CSMD1: variants seen among roughly 807,000 people sequenced by gnomAD.
CSMD1 encodes the protein CUB and sushi domain-containing protein 1.
CSMD1 carries 213 observed loss-of-function variants against 417.5 expected under a neutral mutation model. That is an observed-to-expected ratio of 0.51 (90% CI 0.46 to 0.57). The LOEUF (loss-of-function observed/expected upper bound fraction) is 0.57, where lower values mean the gene tolerates loss of function less well. Ranked by LOEUF, CSMD1 falls within the 20% of genes least tolerant of loss-of-function variation. The pLI is 0.00. For missense variants in CSMD1, 6,923 were observed against 4,529.7 expected, an observed-to-expected ratio of 1.53 and a Z score of -15.17; for synonymous variants, 2,862 against 1,736.8, an observed-to-expected ratio of 1.65 and a Z score of -16.11.
intron 2 of CSMD1, among the ~76,000 whole-genome samples, chr8:4,552,694 C>A (rs1742151806): frequency 6.6e-6 from 1 of 152,216 alleles, no homozygotes; most frequent in South Asian, 2.1e-4. Context: ...GGGTCTATTA[C>A]CCCATCACAA....
intron 1 of CSMD1, among the ~76,000 whole-genome samples, chr8:4,849,186 A>C (rs1445216486): frequency 2.6e-5 from 4 of 152,156 alleles, no homozygotes; most frequent in East Asian, 1.9e-4. Flanking sequence ...GTAAAATAAA[A>C]CAAAATTTCA....
At chr8:4,596,765 T>C (rs995682917) in intron 2 of CSMD1, among the ~76,000 whole-genome samples, 3 of 152,214 alleles carry the variant, frequency 2.0e-5, no homozygotes, top group Non-Finnish European at 2.9e-5. Flanking sequence ...ATGGATTGGC[T>C]GTATCCCCAC....
intron 3 of CSMD1, among the ~76,000 whole-genome samples, chr8:4,216,809 C>G (rs373391940): frequency 6.6e-6 from 1 of 152,144 alleles, no homozygotes; most frequent in Non-Finnish European, 1.5e-5. Flanking sequence ...ACACAGAATT[C>G]CAACACAAGA....
chr8:3,359,197 C>A lies in CSMD1; in HGVS notation c.3259G>T (p.Gly1087Cys). 6.2e-7 allele frequency: 1 copy of A among 1,613,938 alleles called. No homozygotes were observed. Among genetic ancestry groups the A allele is most frequent in the Non-Finnish European group, 8.5e-7 (1 of 1,179,926 alleles). ...GCACTCCACACACGGCGGCCCCCAC[C>A]CAGGCAGGTAAGCTTGGTGGCACCT... ...LEGATKLTCLGGGRRVWSAPL... is the reference protein window; with the variant it reads ...LEGATKLTCLCGGRRVWSAPL... Residue 1087 changes from glycine (G) to cysteine (C), a missense_variant, in exon 21 of 70, where the codon GGT becomes TGT. Coordinates refer to ENST00000635120, the MANE Select transcript of CSMD1 (RefSeq NM_033225.6).
intron 25 of CSMD1, among the ~76,000 whole-genome samples, chr8:3,285,142 T>C (rs1803050467): frequency 6.6e-6 from 1 of 152,148 alleles, no homozygotes; most frequent in Non-Finnish European, 1.5e-5. Context: ...ATTTCCTGCG[T>C]ATTGCACACC....
At chr8:3,522,682 G>C (rs1021394374) in intron 10 of CSMD1, among the ~76,000 whole-genome samples, 2 of 152,160 alleles carry the variant, frequency 1.3e-5, no homozygotes, top group East Asian at 3.9e-4. Context: ...GTGAGGAGTA[G>C]ATCAGTCGTC....
chr8:4,965,303 G>T (rs1397001578), intron 1 of CSMD1, among the ~76,000 whole-genome samples: 1 of 152,204 alleles, frequency 6.6e-6, no homozygotes, highest in Non-Finnish European at 1.5e-5. Flanking sequence ...ATCAGGCATA[G>T]TTGCAAATGC....
At chr8:3,999,098 C>T (rs1418114326) in intron 4 of CSMD1, among the ~76,000 whole-genome samples, 3 of 150,850 alleles carry the variant, frequency 2.0e-5, no homozygotes, top group South Asian at 4.2e-4. Context: ...TTTAAAATAA[C>T]ATGTTTTAAA....
At chr8:4,571,963 C>T (rs1223228671) in intron 2 of CSMD1, among the ~76,000 whole-genome samples, 2 of 152,132 alleles carry the variant, frequency 1.3e-5, no homozygotes, top group East Asian at 3.9e-4. Flanking sequence ...TTTTTGCTTT[C>T]CATTTACTTG....
chr8:4,344,560 AT>A (rs1382773319), intron 3 of CSMD1, among the ~76,000 whole-genome samples: 3 of 150,792 alleles, frequency 2.0e-5, no homozygotes, highest in Admixed American at 6.6e-5. Context: ...GAATATAAAT[AT>A]ATACATATAT....
intron 3 of CSMD1, among the ~76,000 whole-genome samples, chr8:4,404,234 T>C (rs1282405346): frequency 6.6e-6 from 1 of 152,196 alleles, no homozygotes; most frequent in Non-Finnish European, 1.5e-5. Flanking sequence ...TTTTATATTA[T>C]CTGTCACCTT....
intron 1 of CSMD1, among the ~76,000 whole-genome samples, chr8:4,832,398 C>T (rs993847934): frequency 2.0e-5 from 3 of 152,256 alleles, no homozygotes; most frequent in Non-Finnish European, 2.9e-5. Flanking sequence ...ATACAGTGGA[C>T]ATTGACATCT....
intron 7 of CSMD1, among the ~76,000 whole-genome samples, chr8:3,654,543 T>C (rs1798009514): frequency 6.6e-6 from 1 of 152,162 alleles, no homozygotes. Context: ...TAAGAAATTG[T>C]CATGATTATA....
chr8:4,814,999 T>A (rs1354681009), intron 1 of CSMD1, among the ~76,000 whole-genome samples: 1 of 152,154 alleles, frequency 6.6e-6, no homozygotes, highest in Admixed American at 6.5e-5. Context: ...TTCCGTTTTT[T>A]AAATTTATTA....
intron 23 of CSMD1, among the ~76,000 whole-genome samples, chr8:3,324,742 T>G (rs1178861066): frequency 6.6e-6 from 1 of 152,226 alleles, no homozygotes; most frequent in Non-Finnish European, 1.5e-5. Flanking sequence ...GACGGGGCGT[T>G]TCCTTCACCC....
chr8:4,627,827 T>C (rs1337081837), intron 2 of CSMD1, among the ~76,000 whole-genome samples: 1 of 152,098 alleles, frequency 6.6e-6, no homozygotes, highest in Non-Finnish European at 1.5e-5. Flanking sequence ...GTACAGACAA[T>C]TCTAGATATT....
chr8:4,903,771 C>G (rs1160280890), intron 1 of CSMD1, among the ~76,000 whole-genome samples: 3 of 152,150 alleles, frequency 2.0e-5, no homozygotes, highest in East Asian at 1.9e-4. Flanking sequence ...GGAGAAGGAC[C>G]TGGAGTCTTC....
At chr8:3,917,313 A>T (rs1274692530) in intron 5 of CSMD1, among the ~76,000 whole-genome samples, 2 of 152,116 alleles carry the variant, frequency 1.3e-5, no homozygotes, top group Non-Finnish European at 2.9e-5. Flanking sequence ...GGAGTAGCAG[A>T]CTCAGGAGTG....
intron 10 of CSMD1, among the ~76,000 whole-genome samples, chr8:3,536,190 C>G (rs1012345143): frequency 1.3e-5 from 2 of 152,154 alleles, no homozygotes; most frequent in Non-Finnish European, 2.9e-5. Flanking sequence ...CAGACGTATC[C>G]AGAGCACTGT....
Sources: allele counts gnomAD v4.1 joint callset (sites outside exome capture counted in the v4.1 genomes callset), GRCh38; gene constraint gnomAD v4.1.1; transcripts MANE v1.5; gene names NCBI Gene and HGNC (gene_info 2026-07-23, HGNC 2026-07-21).